KDM4C: variants seen among roughly 807,000 people sequenced by gnomAD.
The protein encoded by KDM4C is lysine-specific demethylase 4C.
In KDM4C, 81 loss-of-function variants were observed where a neutral mutation model predicts 129.3. The ratio of observed to expected loss-of-function variants is 0.63; its 90% CI spans 0.52 to 0.75. KDM4C has a LOEUF of 0.75. Ranked by LOEUF, KDM4C falls within the 30% of genes least tolerant of loss-of-function variation. KDM4C has a pLI of 0.00. For missense variants in KDM4C, 1,457 were observed against 1,304.0 expected (o/e 1.12, Z -1.81); for synonymous variants, 573 against 456.1 (o/e 1.26, Z -3.26).
intron 1 of KDM4C, among the ~76,000 whole-genome samples, chr9:6,773,607 C>A (rs1355047300): frequency 2.0e-5 from 3 of 151,952 alleles, no homozygotes; most frequent in African/African-American, 7.3e-5. Flanking sequence ...CTTGTTTCGA[C>A]TAAAAATACA....
chr9:6,748,731 A>G (rs1817968499), intron 1 of KDM4C: 4 of 1,485,082 alleles, frequency 2.7e-6, no homozygotes, highest in Non-Finnish European at 3.8e-6. Flanking sequence ...TAGCAGAGTA[A>G]TATTATCTCC....
At chr9:6,804,832 G>A (rs548172265) in intron 2 of KDM4C, among the ~76,000 whole-genome samples, 2 of 152,092 alleles carry the variant, frequency 1.3e-5, no homozygotes, top group East Asian at 1.9e-4. Flanking sequence ...CAGCACATAG[G>A]TACTTAGATC....
rs534270167 is a variant in KDM4C at position 6,774,425 on chromosome 9, G to A, written c.-18+16222G>A. On this transcript the variant is annotated intron_variant, in intron 1 of 21. Coordinates refer to ENST00000381309, the MANE Select transcript of KDM4C (RefSeq NM_015061.6). ...CATGCCTGTAATCCCAGCACTTTGGGAGGCCGAGGTGTGCGAATCACTTGA... is the reference window on the plus strand; with the variant it reads ...CATGCCTGTAATCCCAGCACTTTGGAAGGCCGAGGTGTGCGAATCACTTGA... Among the ~76,000 whole-genome samples the A allele has an allele frequency of 2.0e-5, 3 of 152,278 alleles. No homozygotes were observed. In the East Asian group the frequency reaches 5.8e-4, roughly 29 times the overall value.
At chr9:7,016,116 T>A (rs1823613884) in intron 15 of KDM4C, among the ~76,000 whole-genome samples, 187 bp downstream of exon 15, 1 of 151,812 alleles carries the variant, frequency 6.6e-6, no homozygotes. Flanking sequence ...ATAGAAATAT[T>A]AGGTAAATTT....
intron 16 of KDM4C, among the ~76,000 whole-genome samples, chr9:7,047,317 A>G (rs1829544730): frequency 1.3e-5 from 2 of 152,108 alleles, no homozygotes; most frequent in Admixed American, 1.3e-4. Flanking sequence ...CATAGCAATG[A>G]TAATAAAACA....
At chr9:6,835,231 C>T in intron 4 of KDM4C, 1 of 909,148 alleles carries the variant, frequency 1.1e-6, no homozygotes, top group Non-Finnish European at 1.9e-6. Context: ...CCCTGAGGCA[C>T]TCTTCCAGCT....
chr9:6,922,303 G>C (rs1354560689), intron 8 of KDM4C, among the ~76,000 whole-genome samples: 1 of 152,200 alleles, frequency 6.6e-6, no homozygotes, highest in African/African-American at 2.4e-5. Context: ...CCCTTATGCA[G>C]GGCATGTGCA....
At chr9:6,980,683 A>G (rs1816617050) in intron 8 of KDM4C, among the ~76,000 whole-genome samples, 1 of 152,122 alleles carries the variant, frequency 6.6e-6, no homozygotes, top group Non-Finnish European at 1.5e-5. Context: ...AGTTTTTCTT[A>G]GTACATAGTT....
In KDM4C at chr9:6,911,595, G is replaced by T. The variant is rs115795237; in HGVS notation, c.921+18363G>T. On this transcript the variant is annotated intron_variant, in intron 8 of 21. Coordinates refer to ENST00000381309, the MANE Select transcript of KDM4C (RefSeq NM_015061.6). ...CTTCCTACCTCTGCTAGATAAGTCA[G>T]ACCTGTTTAACAATGTTAGCACTTG... Among the ~76,000 whole-genome samples the T allele has an allele frequency of 7.8e-3, 1,185 of 152,274 alleles. 15 individuals are homozygous for T. Among genetic ancestry groups the T allele is most frequent in the African/African-American group, 0.027 (1,135 of 41,540 alleles).
At chr9:6,864,845 T>C (rs751063383) in intron 5 of KDM4C, among the ~76,000 whole-genome samples, 1 of 151,964 alleles carries the variant, frequency 6.6e-6, no homozygotes, top group South Asian at 2.1e-4. Context: ...CCTGTGTCTA[T>C]GTATGTGCCT....
chr9:7,174,813 T>A lies in KDM4C; in HGVS notation c.*84T>A, dbSNP rs10976088. On this transcript the variant is annotated 3_prime_UTR_variant, in exon 22 of 22. Transcript: ENST00000381309. ...GACATCCTTGGGGCTGTGCCGTGAG[T>A]TTTGCTGGCATAGGTGACAGGGTGT... 133,536 of 1,246,584 alleles carry A rather than the reference T, an allele frequency of 0.11. 8,400 individuals are homozygous for A. Among genetic ancestry groups the A allele is most frequent in the Non-Finnish European group, 0.13 (111,996 of 877,070 alleles). The allele number at this position is 1,246,584 out of a possible 1,614,324, so 77.2% of individuals were successfully genotyped here. A position where few individuals can be genotyped will look rare whatever the true frequency, so the allele number is the denominator to read the frequency against.
intron 8 of KDM4C, among the ~76,000 whole-genome samples, chr9:6,944,880 C>G (rs1268502291): frequency 6.6e-6 from 1 of 151,930 alleles, no homozygotes; most frequent in Admixed American, 6.6e-5. Flanking sequence ...GGGACTGGAG[C>G]AAGCTAAAAG....
intron 17 of KDM4C, among the ~76,000 whole-genome samples, chr9:7,054,749 G>A (rs1228236084): frequency 6.6e-6 from 1 of 152,170 alleles, no homozygotes; most frequent in Non-Finnish European, 1.5e-5. Context: ...ATTAATTAAA[G>A]ATCTGTGGTA....
At chr9:7,159,047 A>T (rs895248270) in intron 19 of KDM4C, among the ~76,000 whole-genome samples, 2 of 152,226 alleles carry the variant, frequency 1.3e-5, no homozygotes, top group Non-Finnish European at 2.9e-5. Context: ...ATATATATTT[A>T]GGAGAGTTAG....
chr9:7,003,887 C>T (rs1363854677), intron 12 of KDM4C, among the ~76,000 whole-genome samples: 1 of 152,114 alleles, frequency 6.6e-6, no homozygotes, highest in Non-Finnish European at 1.5e-5. Flanking sequence ...TTGAGTATCT[C>T]ACTTCTGCAC....
At chr9:6,720,981 T>G in exon 1 of KDM4C, 1 of 1,551,654 alleles carries the variant, frequency 6.4e-7, no homozygotes, top group South Asian at 1.2e-5. Context: ...GGAAGAGGAC[T>G]GAAGAAGCAG....
intron 5 of KDM4C, among the ~76,000 whole-genome samples, chr9:6,852,271 A>T (rs1366554763): frequency 6.6e-6 from 1 of 152,178 alleles, no homozygotes; most frequent in Non-Finnish European, 1.5e-5. Flanking sequence ...AAATTCATGG[A>T]AGTATTTGGA....
chr9:7,156,232 C>A (rs192759495), intron 19 of KDM4C, among the ~76,000 whole-genome samples: 1 of 152,162 alleles, frequency 6.6e-6, no homozygotes, highest in African/African-American at 2.4e-5. Flanking sequence ...AATTTGAGTT[C>A]TTTGTAGATT....
chr9:6,931,653 A>G (rs767576215), intron 8 of KDM4C, among the ~76,000 whole-genome samples: 1 of 152,124 alleles, frequency 6.6e-6, no homozygotes, highest in Admixed American at 6.5e-5. Context: ...GGCATGTGCC[A>G]CCACACCCAG....
Sources: gnomAD v4.1 joint callset for allele counts (sites outside exome capture counted in the v4.1 genomes callset) on GRCh38, gnomAD v4.1.1 for gene constraint, MANE v1.5 for transcripts, NCBI Gene and HGNC (gene_info 2026-07-23, HGNC 2026-07-21) for gene names.